Variants in NFIA observed in about 807,000 individuals in gnomAD.
The protein encoded by NFIA is nuclear factor I A.
Under a neutral mutation model 62.8 loss-of-function variants are expected in NFIA, and 8 were observed. The observed-to-expected ratio is 0.13, with a 90% confidence interval of 0.07 to 0.23. The LOEUF (loss-of-function observed/expected upper bound fraction) is 0.23, where lower values mean the gene tolerates loss of function less well. Ranked by LOEUF, NFIA falls within the 10% of genes least tolerant of loss-of-function variation. The pLI, the probability that NFIA is intolerant of heterozygous loss-of-function variation, is 1.00. For synonymous variants in NFIA, 235 were observed against 238.1 expected, an observed-to-expected ratio of 0.99 and a Z score of 0.12; for missense variants, 410 against 642.1, an observed-to-expected ratio of 0.64 and a Z score of 3.91.
chr1:61,140,299 A>G (rs1479378979), intron 2 of NFIA, among the ~76,000 whole-genome samples: 1 of 146,372 alleles, frequency 6.8e-6, no homozygotes, highest in African/African-American at 2.6e-5. Flanking sequence ...CTGCAGAAAA[A>G]CCGAAATTGT....
chr1:61,391,814 C>T (rs534917933), intron 7 of NFIA, among the ~76,000 whole-genome samples: 10 of 152,318 alleles, frequency 6.6e-5, no homozygotes, highest in African/African-American at 2.2e-4. Flanking sequence ...CTTAGGAAAG[C>T]TTTTAACTTA....
At chr1:61,369,543 C>T (rs1415920293) in intron 6 of NFIA, among the ~76,000 whole-genome samples, 2 of 152,002 alleles carry the variant, frequency 1.3e-5, no homozygotes, top group African/African-American at 2.4e-5. Flanking sequence ...GTAGTTTTAA[C>T]CATAGATATA....
chr1:61,397,002 C>CA (rs5774556), intron 7 of NFIA, among the ~76,000 whole-genome samples: 41,181 of 144,354 alleles, frequency 0.29, 6,147 homozygotes, highest in East Asian at 0.57. Flanking sequence ...ACTCTGTCTC[C>CA]AAAAAAAAAA....
At chr1:61,106,689 AAT>A (rs1419904078) in intron 2 of NFIA, among the ~76,000 whole-genome samples, 1 of 151,606 alleles carries the variant, frequency 6.6e-6, no homozygotes, top group Non-Finnish European at 1.5e-5. Flanking sequence ...TTTTAATATA[AAT>A]ATATATGTAA....
Position 61,393,263 on chromosome 1 carries a change from CT to C in NFIA, c.1075+9899del, listed in dbSNP as rs1665086145. ...CCTCTCCCTCTCTCTCTCTCTCTCT[CT>C]CTCTCTCTCTCTCTCTCTCTCTCTC... On this transcript the variant is annotated intron_variant, in intron 7 of 10. Coordinates refer to ENST00000403491, the MANE Select transcript of NFIA (RefSeq NM_001134673.4). Among the ~76,000 whole-genome samples, 9 of 77,152 alleles carry C rather than the reference CT, an allele frequency of 1.2e-4. 1 individual carries two copies. In the South Asian group the frequency reaches 2.4e-3, roughly 21 times the overall value. 50.6% of individuals were successfully genotyped at this position (77,152 alleles called of 152,430 possible). A position where few individuals can be genotyped will look rare whatever the true frequency, so the allele number is the denominator to read the frequency against.
At chr1:61,128,952 T>G (rs1377248940) in intron 2 of NFIA, among the ~76,000 whole-genome samples, 1 of 132,530 alleles carries the variant, frequency 7.5e-6, no homozygotes, top group African/African-American at 2.9e-5. Flanking sequence ...AGACGGAGTC[T>G]TGCTCTGTCG....
At chr1:61,204,118 G>A (rs1652728539) in intron 2 of NFIA, among the ~76,000 whole-genome samples, 1 of 152,170 alleles carries the variant, frequency 6.6e-6, no homozygotes, top group Admixed American at 6.5e-5. Context: ...GAACTGGACG[G>A]GGGCCTTTCT....
At chr1:61,256,271 A>G (rs1468341200) in intron 2 of NFIA, among the ~76,000 whole-genome samples, 1 of 151,760 alleles carries the variant, frequency 6.6e-6, no homozygotes, top group African/African-American at 2.4e-5. Context: ...CATCTCTACT[A>G]AAAATACAAA....
upstream of NFIA, among the ~76,000 whole-genome samples, chr1:61,077,921 G>T (rs556685295): frequency 1.2e-4 from 18 of 148,198 alleles, no homozygotes; most frequent in Admixed American, 6.1e-4. Flanking sequence ...CCTAGCGCTT[G>T]CTCGGTTCCA....
intron 6 of NFIA, among the ~76,000 whole-genome samples, chr1:61,382,156 C>T (rs1163639685): frequency 1.3e-5 from 2 of 152,096 alleles, no homozygotes; most frequent in Non-Finnish European, 2.9e-5. Flanking sequence ...GACTAGGAGT[C>T]ATTTCTTTTA....
intron 2 of NFIA, among the ~76,000 whole-genome samples, chr1:61,101,274 G>T (rs529911780): frequency 6.6e-6 from 1 of 151,382 alleles, no homozygotes; most frequent in African/African-American, 2.4e-5. Context: ...GCATGCCTGC[G>T]ATCCCAGCTA....
chr1:61,352,620 G>A (rs1662605246), intron 5 of NFIA, 53 bp downstream of exon 5: 2 of 1,344,290 alleles, frequency 1.5e-6, no homozygotes, highest in African/African-American at 1.4e-5. Context: ...TGCACACCTT[G>A]ATTTTAACTC....
At position 61,455,296 on chromosome 1, in the gene NFIA, C is replaced by A. The variant is rs1190272075; in HGVS notation, c.1513-7C>A. On this transcript the variant is annotated splice_region_variant and splice_polypyrimidine_tract_variant and intron_variant, in intron 10 of 10. Coordinates refer to ENST00000403491, the MANE Select transcript of NFIA (RefSeq NM_001134673.4). ...ATTTTAATTGTATTTTTCCTTTTGT[C>A]TTCCAGTCCTGGTACCTGGGATAAA... 1.9e-6 allele frequency: 3 copies of A among 1,613,470 alleles called. No homozygotes were observed. In the South Asian group the frequency reaches 3.3e-5, roughly 18 times the overall value.
chr1:61,080,286 TAA>T (rs113530690), upstream of NFIA, among the ~76,000 whole-genome samples: 3 of 143,074 alleles, frequency 2.1e-5, no homozygotes, highest in Admixed American at 7.0e-5. Context: ...CTTCCCCCAT[TAA>T]AAAAAAAAAA....
chr1:61,393,247 CT>C lies in NFIA; in HGVS notation c.1075+9883del, dbSNP rs1341818289. Among the ~76,000 whole-genome samples, 5 of 16,428 alleles carry C rather than the reference CT, an allele frequency of 3.0e-4. No individual in the cohort carries two copies. The East Asian group carries it at 0.017, about 57-fold the overall frequency. 10.8% of individuals were successfully genotyped at this position (16,428 alleles called of 152,430 possible). On this transcript the variant is annotated intron_variant, in intron 7 of 10. Transcript: ENST00000403491. Reference sequence around the variant, plus strand: ...GTTTCTTCTGCCTCGCCCTCTCCCTCTCTCTCTCTCTCTCTCTCTCTCTCTC... The same window carrying C: ...GTTTCTTCTGCCTCGCCCTCTCCCTCCTCTCTCTCTCTCTCTCTCTCTCTC...
intron 7 of NFIA, among the ~76,000 whole-genome samples, chr1:61,397,607 G>A (rs1042786483): frequency 1.4e-4 from 21 of 152,122 alleles, no homozygotes; most frequent in Admixed American, 1.4e-3. Flanking sequence ...AAACTGTGCC[G>A]TGTGCCTTAT....
At chr1:61,272,181 T>C (rs72664888) in intron 2 of NFIA, among the ~76,000 whole-genome samples, 9,361 of 152,300 alleles carry the variant, frequency 0.061, 410 homozygotes, top group East Asian at 0.15. Flanking sequence ...GATAATATTA[T>C]ATTTAGCTGA....
intron 2 of NFIA, among the ~76,000 whole-genome samples, chr1:61,211,073 T>C (rs1653221788): frequency 6.6e-6 from 1 of 152,216 alleles, no homozygotes. Context: ...TTGTACACTT[T>C]CGTGGCTTAT....
In NFIA at chr1:61,404,194, G is replaced by T. The variant is rs199616755; in HGVS notation, c.1166G>T (p.Arg389Leu). 6.2e-7 allele frequency: 1 copy of T among 1,614,146 alleles called. No homozygotes were observed. Among genetic ancestry groups the T allele is most frequent in the Non-Finnish European group, 8.5e-7 (1 of 1,180,018 alleles). The change falls in exon 8 of 11, where the codon CGC (arginine) becomes CTC (leucine). Residue 389 changes from arginine (R) to leucine (L), a missense_variant. Coordinates refer to ENST00000403491, the MANE Select transcript of NFIA (RefSeq NM_001134673.4). The part of the protein sequence containing the change: ...PGPYFSHPAI[R>L]YHPQETLKEF... ...CCTTACTTCTCACACCCAGCCATCC[G>T]CTATCACCCTCAGGAGACGCTGAAA...
Sources: allele counts gnomAD v4.1 joint callset (sites outside exome capture counted in the v4.1 genomes callset), GRCh38; gene constraint gnomAD v4.1.1; transcripts MANE v1.5; gene names NCBI Gene and HGNC (gene_info 2026-07-23, HGNC 2026-07-21).